The following KCNIP4 variants were observed in gnomAD, a reference collection of about 807,000 sequenced individuals.
KCNIP4 encodes Kv channel-interacting protein 4.
A neutral mutation model predicts 34.0 loss-of-function variants in KCNIP4; 12 were observed. The observed-to-expected ratio is 0.35, with a 90% confidence interval of 0.23 to 0.57. The LOEUF (loss-of-function observed/expected upper bound fraction) is 0.57, where lower values mean the gene tolerates loss of function less well. Ranked by LOEUF, KCNIP4 falls within the 20% of genes least tolerant of loss-of-function variation. The pLI is 0.83. For synonymous variants in KCNIP4, 124 were observed against 102.2 expected (o/e 1.21, Z -1.29); for missense variants, 238 against 311.7 (o/e 0.76, Z 1.78).
intron 1 of KCNIP4, among the ~76,000 whole-genome samples, chr4:21,897,634 A>G (rs530038623): frequency 2.0e-5 from 3 of 152,304 alleles, no homozygotes; most frequent in Non-Finnish European, 2.9e-5. Flanking sequence ...TAATTGTAAA[A>G]GGGCTTTAGA....
At chr4:21,689,327 C>G (rs1418087944) in intron 1 of KCNIP4, among the ~76,000 whole-genome samples, 2 of 152,064 alleles carry the variant, frequency 1.3e-5, no homozygotes, top group Non-Finnish European at 2.9e-5. Context: ...AATAGAACAT[C>G]CTATAGATAA....
intron 1 of KCNIP4, among the ~76,000 whole-genome samples, chr4:21,646,423 T>C (rs1220133782): frequency 6.6e-6 from 1 of 152,206 alleles, no homozygotes; most frequent in Non-Finnish European, 1.5e-5. Context: ...TCTTTGTTGG[T>C]ATAAAGAGTA....
intron 1 of KCNIP4, among the ~76,000 whole-genome samples, chr4:21,248,043 G>A (rs1413612598): frequency 9.9e-6 from 1 of 101,452 alleles, no homozygotes; most frequent in African/African-American, 4.6e-5. Context: ...TACACCACAG[G>A]TGGAGCATAT....
At chr4:20,984,632 A>G (rs1162728429) in intron 1 of KCNIP4, among the ~76,000 whole-genome samples, 1 of 151,986 alleles carries the variant, frequency 6.6e-6, no homozygotes, top group East Asian at 1.9e-4. Context: ...CCGCCACGCC[A>G]CTCCTTGTTC....
intron 1 of KCNIP4, among the ~76,000 whole-genome samples, chr4:21,244,639 C>T (rs1560209884): frequency 6.6e-6 from 1 of 152,106 alleles, no homozygotes; most frequent in Non-Finnish European, 1.5e-5. Context: ...TAATTCTGCA[C>T]CAATGTTGAT....
rs560695079 is a variant in KCNIP4, at chr4:20,895,516, A to G, written c.62-12807T>C. Among the ~76,000 whole-genome samples, 3 of 152,372 alleles carry G rather than the reference A, an allele frequency of 2.0e-5. No individual in the cohort carries two copies. In the South Asian group the frequency reaches 6.2e-4, roughly 32 times the overall value. Reference sequence around the variant, plus strand: ...CAAAATGCTTCAAATGCCAGAAGAAATAACATATAATCCATTATAATTTTT... The same window carrying G: ...CAAAATGCTTCAAATGCCAGAAGAAGTAACATATAATCCATTATAATTTTT... On this transcript the variant is annotated intron_variant, in intron 1 of 8. Transcript: ENST00000382152.
intron 5 of KCNIP4, among the ~76,000 whole-genome samples, chr4:20,739,401 G>T (rs1750512619): frequency 6.6e-6 from 1 of 152,054 alleles, no homozygotes; most frequent in South Asian, 2.1e-4. Flanking sequence ...GAAGGATCAG[G>T]CAGCAACATG....
intron 1 of KCNIP4, among the ~76,000 whole-genome samples, chr4:21,762,754 C>T (rs929336450): frequency 1.3e-5 from 2 of 152,094 alleles, no homozygotes; most frequent in African/African-American, 2.4e-5. Flanking sequence ...GCTGGGTCAA[C>T]GAGACTCTTC....
intron 1 of KCNIP4, among the ~76,000 whole-genome samples, chr4:21,047,669 G>T (rs28391802): frequency 0.13 from 19,960 of 152,150 alleles, 1,582 homozygotes; most frequent in African/African-American, 0.22. Context: ...TGGCCTATTT[G>T]ATTTTAGTCT....
At chr4:21,894,245 AG>A (rs1447269609) in intron 1 of KCNIP4, among the ~76,000 whole-genome samples, 2 of 152,090 alleles carry the variant, frequency 1.3e-5, no homozygotes, top group African/African-American at 4.8e-5. Context: ...CTGAGGCAGG[AG>A]GATCACTTGA....
intron 1 of KCNIP4, among the ~76,000 whole-genome samples, chr4:21,105,974 G>C (rs923855882): frequency 3.3e-5 from 5 of 151,404 alleles, no homozygotes; most frequent in African/African-American, 1.2e-4. Context: ...TAAGCTTTTT[G>C]ATGTGCTGCT....
At chr4:21,938,715 G>C (rs1038456698) in intron 1 of KCNIP4, among the ~76,000 whole-genome samples, 1 of 152,058 alleles carries the variant, frequency 6.6e-6, no homozygotes, top group Admixed American at 6.6e-5. Flanking sequence ...ACATACGATG[G>C]GGTCCTAGGA....
intron 1 of KCNIP4, among the ~76,000 whole-genome samples, chr4:21,423,086 T>C (rs1003876599): frequency 6.6e-6 from 1 of 152,320 alleles, no homozygotes; most frequent in African/African-American, 2.4e-5. Flanking sequence ...CTTCATCTGA[T>C]ATTCTTGGAA....
intron 1 of KCNIP4, among the ~76,000 whole-genome samples, chr4:21,273,473 C>A (rs1402435347): frequency 6.6e-6 from 1 of 152,116 alleles, no homozygotes; most frequent in East Asian, 1.9e-4. Context: ...TGAGAGTCAT[C>A]TTTTAACAGT....
Position 20,777,686 on chromosome 4 carries a change from G to A in KCNIP4, c.289-18796C>T, listed in dbSNP as rs559264542. On this transcript the variant is annotated intron_variant, in intron 3 of 8. Transcript: ENST00000382152. ...CCAGTTTATGGTAATTTGTGACAGT[G>A]GAGGTTGTAGATTACAGAGAAAAAG... 2.1e-4 allele frequency among the ~76,000 whole-genome samples: 32 copies of A among 152,206 alleles called. No homozygotes were observed. In the Middle Eastern group the frequency reaches 0.01, roughly 49 times the overall value.
chr4:21,482,888 C>T (rs13102279), intron 1 of KCNIP4, among the ~76,000 whole-genome samples: 17,961 of 151,872 alleles, frequency 0.12, 1,244 homozygotes, highest in South Asian at 0.17. Flanking sequence ...GGCACATATA[C>T]GCCATAGAAT....
At chr4:21,151,643 G>C (rs568366658) in intron 1 of KCNIP4, among the ~76,000 whole-genome samples, 3 of 151,884 alleles carry the variant, frequency 2.0e-5, no homozygotes, top group African/African-American at 4.8e-5. Flanking sequence ...TCTCCCAAAG[G>C]CCTCATCTAT....
intron 2 of KCNIP4, among the ~76,000 whole-genome samples, chr4:20,859,714 C>A (rs1269714019): frequency 2.0e-5 from 3 of 152,150 alleles, no homozygotes; most frequent in East Asian, 3.9e-4. Flanking sequence ...AAGCTTGGTA[C>A]AGCTCAACTC....
At chr4:20,793,690 GT>G (rs1479256596) in intron 3 of KCNIP4, among the ~76,000 whole-genome samples, 1 of 151,902 alleles carries the variant, frequency 6.6e-6, no homozygotes, top group African/African-American at 2.4e-5. Flanking sequence ...TTATTACATT[GT>G]AATATATAAT....
Sources: allele counts gnomAD v4.1 joint callset (sites outside exome capture counted in the v4.1 genomes callset), GRCh38; gene constraint gnomAD v4.1.1; transcripts MANE v1.5; gene names NCBI Gene and HGNC (gene_info 2026-07-23, HGNC 2026-07-21).